Variants in CSMD2 observed in about 807,000 individuals in gnomAD.
CSMD2 encodes the protein CUB and Sushi multiple domains 2.
CSMD2 carries 130 observed loss-of-function variants against 398.5 expected under a neutral mutation model. The ratio of observed to expected loss-of-function variants is 0.33; its 90% CI spans 0.28 to 0.38. CSMD2 has a LOEUF of 0.38. Ranked by LOEUF, CSMD2 falls within the 10% of genes least tolerant of loss-of-function variation. The pLI is 1.00. For missense variants in CSMD2, 3,829 were observed against 4,764.9 expected (o/e 0.80, Z 5.78); for synonymous variants, 1,828 against 1,908.5 (o/e 0.96, Z 1.10).
intron 1 of CSMD2, among the ~76,000 whole-genome samples, chr1:34,155,765 G>A (rs1379125388): frequency 6.6e-6 from 1 of 152,210 alleles, no homozygotes; most frequent in Non-Finnish European, 1.5e-5. Flanking sequence ...CACTGGATGG[G>A]CTTAAACTAG....
intron 3 of CSMD2, among the ~76,000 whole-genome samples, chr1:33,968,289 A>G (rs1313069676): frequency 2.0e-5 from 3 of 152,194 alleles, no homozygotes; most frequent in Non-Finnish European, 4.4e-5. Flanking sequence ...GTCCATCTTT[A>G]GAGTTTTTTA....
chr1:33,725,959 A>T (rs1646516000), intron 16 of CSMD2, among the ~76,000 whole-genome samples: 2 of 151,956 alleles, frequency 1.3e-5, no homozygotes, highest in South Asian at 4.2e-4. Flanking sequence ...AGCATGCATC[A>T]GAGATATGCA....
intron 25 of CSMD2, among the ~76,000 whole-genome samples, chr1:33,687,705 T>TA (rs1174679174): frequency 2.0e-5 from 3 of 151,416 alleles, no homozygotes; most frequent in Non-Finnish European, 4.4e-5. Context: ...GTTTGAAAAG[T>TA]AAAAAAAGGC....
At chr1:33,853,695 A>G (rs1638873544) in intron 5 of CSMD2, among the ~76,000 whole-genome samples, 1 of 152,200 alleles carries the variant, frequency 6.6e-6, no homozygotes, top group African/African-American at 2.4e-5. Flanking sequence ...TGGGGGTGCC[A>G]TGGGCACCAG....
intron 43 of CSMD2, among the ~76,000 whole-genome samples, chr1:33,602,034 T>C (rs887747179): frequency 6.6e-6 from 1 of 152,186 alleles, no homozygotes; most frequent in Non-Finnish European, 1.5e-5. Flanking sequence ...CCCAGGTACA[T>C]GTAGAATGTT....
intron 22 of CSMD2, among the ~76,000 whole-genome samples, chr1:33,704,397 C>T (rs1645708180): frequency 6.6e-6 from 1 of 152,086 alleles, no homozygotes; most frequent in African/African-American, 2.4e-5. Context: ...TTGTTCTTGA[C>T]TTTACTGAAA....
At chr1:33,607,048 A>T (rs1446626429) in intron 41 of CSMD2, among the ~76,000 whole-genome samples, 2 of 152,220 alleles carry the variant, frequency 1.3e-5, no homozygotes, top group South Asian at 4.1e-4. Context: ...AAAGTGCCAT[A>T]ATCAGGTAGA....
At chr1:33,831,028 C>T (rs1348382614) in intron 6 of CSMD2, among the ~76,000 whole-genome samples, 1 of 152,168 alleles carries the variant, frequency 6.6e-6, no homozygotes, top group Non-Finnish European at 1.5e-5. Flanking sequence ...ACCAAATCTA[C>T]GTCTGATTGG....
At chr1:33,520,207 C>A (rs1356162766) in intron 68 of CSMD2, among the ~76,000 whole-genome samples, 2 of 152,228 alleles carry the variant, frequency 1.3e-5, no homozygotes, top group Non-Finnish European at 2.9e-5. Context: ...CGCAGAGGAG[C>A]CTGAAACCAT....
At chr1:33,917,973 G>T in intron 5 of CSMD2, 121 bp downstream of exon 5, 1 of 756,212 alleles carries the variant, frequency 1.3e-6, no homozygotes. Context: ...CTAACAGTAG[G>T]TATAAGGAAG....
At chr1:33,981,721 AG>A (rs1457961818) in intron 3 of CSMD2, among the ~76,000 whole-genome samples, 4 of 152,208 alleles carry the variant, frequency 2.6e-5, no homozygotes, top group Non-Finnish European at 5.9e-5. Flanking sequence ...GTAATCATAG[AG>A]CCAGACTGGC....
intron 3 of CSMD2, among the ~76,000 whole-genome samples, chr1:34,010,259 T>C (rs1647203700): frequency 6.6e-6 from 1 of 152,196 alleles, no homozygotes; most frequent in Non-Finnish European, 1.5e-5. Context: ...CTTCCCTTAG[T>C]TCACTGACCC....
At chr1:34,103,757 G>A (rs1457957057) in intron 1 of CSMD2, among the ~76,000 whole-genome samples, 7 of 24,426 alleles carry the variant, frequency 2.9e-4, no homozygotes, top group Non-Finnish European at 5.2e-4. Context: ...TAACAATGAT[G>A]GCAAACACAC....
intron 5 of CSMD2, among the ~76,000 whole-genome samples, chr1:33,900,515 G>A (rs1035986805): frequency 1.8e-4 from 27 of 152,094 alleles, no homozygotes; most frequent in Non-Finnish European, 3.7e-4. Context: ...AATGGCTCAC[G>A]CCTGTAATCC....
Position 33,819,914 on chromosome 1 carries a change from A to G in CSMD2, c.1200-77T>C, listed in dbSNP as rs1657916846. On this transcript the variant is annotated intron_variant, in intron 8 of 70. Transcript: ENST00000373381. ...GCCCCAAGTCCTTCCTGGTTCCACAAAGAAGCCGCACATGTTATTTTTCCT... is the reference window on the plus strand; with the variant it reads ...GCCCCAAGTCCTTCCTGGTTCCACAGAGAAGCCGCACATGTTATTTTTCCT... The G allele has an allele frequency of 2.5e-6, 4 of 1,577,522 alleles. No homozygotes were observed. In the South Asian group the frequency reaches 3.5e-5, roughly 14 times the overall value.
intron 62 of CSMD2, among the ~76,000 whole-genome samples, chr1:33,535,803 G>C (rs758887381): frequency 2.0e-5 from 3 of 152,162 alleles, no homozygotes; most frequent in Non-Finnish European, 2.9e-5. Context: ...CGTTCAGCCA[G>C]GAATGTCACC....
chr1:33,894,222 C>A (rs1642230118), intron 5 of CSMD2, among the ~76,000 whole-genome samples: 1 of 152,148 alleles, frequency 6.6e-6, no homozygotes, highest in Non-Finnish European at 1.5e-5. Context: ...GCCTAGGCCC[C>A]CAGTGTTACA....
chr1:33,741,389 C>T (rs1469351712), intron 14 of CSMD2, among the ~76,000 whole-genome samples: 2 of 152,162 alleles, frequency 1.3e-5, no homozygotes, highest in African/African-American at 4.8e-5. Context: ...GATTGTTTCA[C>T]TGACTGCATC....
At chr1:33,926,992 G>A (rs1644148509) in intron 4 of CSMD2, among the ~76,000 whole-genome samples, 1 of 152,142 alleles carries the variant, frequency 6.6e-6, no homozygotes, top group Non-Finnish European at 1.5e-5. Context: ...AAGATTTGGG[G>A]TCCTTGGAAT....
Sources: allele counts gnomAD v4.1 joint callset (sites outside exome capture counted in the v4.1 genomes callset), GRCh38; gene constraint gnomAD v4.1.1; transcripts MANE v1.5; gene names NCBI Gene and HGNC (gene_info 2026-07-23, HGNC 2026-07-21).